Variants in GLT1D1 observed in about 807,000 individuals in gnomAD.
GLT1D1 encodes the protein glycosyltransferase 1 domain containing 1.
Under a neutral mutation model 28.7 loss-of-function variants are expected in GLT1D1, and 21 were observed. That is an observed-to-expected ratio of 0.73 (90% CI 0.52 to 1.05). The LOEUF (loss-of-function observed/expected upper bound fraction) is 1.05, where lower values mean the gene tolerates loss of function less well. Ranked by LOEUF, GLT1D1 falls within the 50% of genes least tolerant of loss-of-function variation. GLT1D1 has a pLI of 0.00. For synonymous variants in GLT1D1, 147 were observed against 124.8 expected (o/e 1.18, Z -1.19); for missense variants, 343 against 330.6 (o/e 1.04, Z -0.29).
At chr12:128,920,825 A>G (rs1023436724) in intron 4 of GLT1D1, among the ~76,000 whole-genome samples, 5 of 152,320 alleles carry the variant, frequency 3.3e-5, no homozygotes, top group East Asian at 3.9e-4. Flanking sequence ...TCAAATCTTG[A>G]CTCATGGATA....
At chr12:128,912,081 CT>C (rs1296381683) in intron 4 of GLT1D1, among the ~76,000 whole-genome samples, 1 of 152,160 alleles carries the variant, frequency 6.6e-6, no homozygotes, top group Non-Finnish European at 1.5e-5. Context: ...GCTGCATCAG[CT>C]GGGCCGGCAC....
chr12:128,861,177 G>T (rs986462832), intron 1 of GLT1D1, among the ~76,000 whole-genome samples: 1 of 152,194 alleles, frequency 6.6e-6, no homozygotes, highest in African/African-American at 2.4e-5. Context: ...GGGGTGAAAC[G>T]CAGCCTCCCT....
At chr12:128,939,519 CG>C (rs1874909569) in intron 4 of GLT1D1, among the ~76,000 whole-genome samples, 1 of 151,906 alleles carries the variant, frequency 6.6e-6, no homozygotes, top group African/African-American at 2.4e-5. Context: ...CCCAGGAGTT[CG>C]AGACCAGCCT....
At chr12:128,968,933 A>G (rs150341736) in intron 7 of GLT1D1, among the ~76,000 whole-genome samples, 9 of 148,820 alleles carry the variant, frequency 6.0e-5, no homozygotes, top group African/African-American at 2.2e-4. Flanking sequence ...TGCCGTGGCA[A>G]CTCCTCCTCA....
intron 4 of GLT1D1, among the ~76,000 whole-genome samples, chr12:128,921,363 C>T (rs1387924676): frequency 6.6e-6 from 1 of 152,022 alleles, no homozygotes; most frequent in Non-Finnish European, 1.5e-5. Context: ...TCTTGCAGGT[C>T]AGGGGTCTCA....
intron 4 of GLT1D1, 149 bp downstream of exon 4, chr12:128,899,436 T>A: frequency 1.5e-6 from 1 of 672,488 alleles, no homozygotes; most frequent in Admixed American, 2.5e-5. Flanking sequence ...CATAGATTGA[T>A]TTTGTATGTG....
chr12:128,903,477 C>T (rs1006685531), intron 4 of GLT1D1, among the ~76,000 whole-genome samples: 8 of 151,662 alleles, frequency 5.3e-5, no homozygotes, highest in South Asian at 2.1e-4. Context: ...TACAAGGGCA[C>T]GGATGCAGGG....
At chr12:128,873,125 A>G (rs1189270003) in intron 1 of GLT1D1, among the ~76,000 whole-genome samples, 1 of 152,024 alleles carries the variant, frequency 6.6e-6, no homozygotes, top group East Asian at 1.9e-4. Context: ...CGAACTCCTG[A>G]GCCCAAATGA....
chr12:128,939,382 C>T (rs56237715), intron 4 of GLT1D1, among the ~76,000 whole-genome samples: 26,787 of 145,018 alleles, frequency 0.18, 2,526 homozygotes, highest in African/African-American at 0.24. Flanking sequence ...GCCAATATGG[C>T]GAAACCCTGT....
At chr12:128,886,183 T>G (rs1868372861) in intron 2 of GLT1D1, among the ~76,000 whole-genome samples, 1 of 152,206 alleles carries the variant, frequency 6.6e-6, no homozygotes, top group South Asian at 2.1e-4. Context: ...GTGAGTCCAT[T>G]AAACCTCTTT....
At chr12:128,921,056 C>A (rs1221210304) in intron 4 of GLT1D1, among the ~76,000 whole-genome samples, 6 of 152,146 alleles carry the variant, frequency 3.9e-5, no homozygotes, top group African/African-American at 1.4e-4. Context: ...AGAGTTGATG[C>A]TTACGTGTGA....
chr12:128,951,886 C>A (rs1876724671), intron 6 of GLT1D1, among the ~76,000 whole-genome samples: 1 of 152,350 alleles, frequency 6.6e-6, no homozygotes, highest in Non-Finnish European at 1.5e-5. Flanking sequence ...GCCCTCTGTT[C>A]ATTTCACGTC....
intron 3 of GLT1D1, among the ~76,000 whole-genome samples, chr12:128,896,366 A>T (rs1869623456): frequency 6.6e-6 from 1 of 152,198 alleles, no homozygotes; most frequent in Admixed American, 6.5e-5. Context: ...CTAACTAAAA[A>T]AAATGGCTGT....
At chr12:128,945,718 G>T (rs1875978547) in intron 5 of GLT1D1, among the ~76,000 whole-genome samples, 1 of 152,182 alleles carries the variant, frequency 6.6e-6, no homozygotes, top group East Asian at 1.9e-4. Context: ...TGTCGGCCAG[G>T]AACCCAACAG....
chr12:128,864,719 G>C (rs1433414087), intron 1 of GLT1D1, among the ~76,000 whole-genome samples: 1 of 152,068 alleles, frequency 6.6e-6, no homozygotes, highest in African/African-American at 2.4e-5. Context: ...CTGAATGTGA[G>C]TGGGAAGAGG....
chr12:128,932,286 T>A (rs1433475800), intron 4 of GLT1D1, among the ~76,000 whole-genome samples: 1 of 151,726 alleles, frequency 6.6e-6, no homozygotes. Context: ...CCCAGATGAG[T>A]CCCCTAGAGC....
At chr12:128,980,635 T>C (rs992544188) in intron 7 of GLT1D1, among the ~76,000 whole-genome samples, 33 of 152,314 alleles carry the variant, frequency 2.2e-4, no homozygotes, top group African/African-American at 7.7e-4. Flanking sequence ...CACTGCTCAG[T>C]GTCCCTGTTC....
At chr12:128,963,188 G>A (rs922350609) in intron 7 of GLT1D1, among the ~76,000 whole-genome samples, 1 of 152,180 alleles carries the variant, frequency 6.6e-6, no homozygotes, top group Admixed American at 6.5e-5. Flanking sequence ...CAAAGGTGAC[G>A]TCTGGTCCCA....
At chr12:128,879,438 C>T (rs1341371557) in intron 2 of GLT1D1, among the ~76,000 whole-genome samples, 1 of 104,424 alleles carries the variant, frequency 9.6e-6, no homozygotes, top group African/African-American at 3.9e-5. Flanking sequence ...TTCTTTCTTT[C>T]TTTCTTTCTT....
Sources: allele counts gnomAD v4.1 joint callset (sites outside exome capture counted in the v4.1 genomes callset), GRCh38; gene constraint gnomAD v4.1.1; transcripts MANE v1.5; gene names NCBI Gene and HGNC (gene_info 2026-07-23, HGNC 2026-07-21).